Variants in KRT7 observed in about 807,000 individuals in gnomAD.
The protein encoded by KRT7 is keratin 7.
KRT7 carries 50 observed loss-of-function variants against 42.8 expected under a neutral mutation model. That is an observed-to-expected ratio of 1.17 (90% CI 0.93 to 1.48). The LOEUF is 1.48. Ranked by LOEUF, KRT7 falls within the 40% of genes most tolerant of loss-of-function variation. The pLI, the probability that KRT7 is intolerant of heterozygous loss-of-function variation, is 0.00. For synonymous variants in KRT7, 268 were observed against 266.3 expected (o/e 1.01, Z -0.06); for missense variants, 588 against 637.6 (o/e 0.92, Z 0.84).
At chr12:52,251,169 G>A (rs1367861524), downstream of KRT7, among the ~76,000 whole-genome samples, 2 of 151,902 alleles carry the variant, frequency 1.3e-5, no homozygotes, top group Admixed American at 6.6e-5. Flanking sequence ...TAGTAGAGAC[G>A]GGGTTTCACC....
At chr12:52,240,259 A>T (rs565466738) in intron 4 of KRT7, among the ~76,000 whole-genome samples, 1 of 152,396 alleles carries the variant, frequency 6.6e-6, no homozygotes, top group African/African-American at 2.4e-5. Flanking sequence ...GTGTATATAT[A>T]TAAAGTTGTT....
chr12:52,243,433 G>T (rs1053443555), intron 6 of KRT7: 4 of 326,480 alleles, frequency 1.2e-5, no homozygotes, highest in African/African-American at 6.5e-5. Flanking sequence ...GCTTGCACCT[G>T]GTTCTGGCTG....
chr12:52,242,255 GA>G (rs1555182746), intron 5 of KRT7, among the ~76,000 whole-genome samples: 1 of 152,200 alleles, frequency 6.6e-6, no homozygotes, highest in Non-Finnish European at 1.5e-5. Flanking sequence ...TTATAGGCGT[GA>G]GACACCGCAC....
chr12:52,244,499 C>T lies in KRT7; in HGVS notation c.985-913C>T, dbSNP rs550100629. 9.0e-5 allele frequency: 89 copies of T among 985,798 alleles called. No homozygotes were observed. The South Asian group carries it at 2.3e-3, about 26-fold the overall frequency. 61.1% of individuals were successfully genotyped at this position (985,798 alleles called of 1,614,324 possible). On this transcript the variant is annotated intron_variant, in intron 6 of 8. Transcript: ENST00000331817. ...GCACCAGTGTGACAGGGCAGGGCAC[C>T]GAGCTGTGGCCGAGGGGCAGAGTGT... is the stretch of plus-strand genomic sequence containing the variant.
chr12:52,250,778 G>A (rs920580893), downstream of KRT7: 7 of 397,222 alleles, frequency 1.8e-5, no homozygotes, highest in Non-Finnish European at 3.3e-5. Flanking sequence ...AGCCTCAGGC[G>A]TCCTTGATAC....
At chr12:52,250,626 C>CGA (rs1389555955), downstream of KRT7, 8 of 908,556 alleles carry the variant, frequency 8.8e-6, no homozygotes, top group Non-Finnish European at 1.4e-5. Context: ...GACCCCGCCG[C>CGA]GAGAGCTGCT....
Position 52,248,815 on chromosome 12 carries a change from C to G in KRT7, c.*55C>G. 1 of 1,450,502 alleles carries G rather than the reference C, an allele frequency of 6.9e-7. No homozygotes were observed. Among genetic ancestry groups the G allele is most frequent in the Non-Finnish European group, 9.1e-7 (1 of 1,094,506 alleles). The allele number at this position is 1,450,502 out of a possible 1,614,324, so 89.9% of individuals were successfully genotyped here. On this transcript the variant is annotated 3_prime_UTR_variant, in exon 9 of 9. Coordinates refer to ENST00000331817, the MANE Select transcript of KRT7 (RefSeq NM_005556.4). ...CACCACCCACAATCACAAGAAGATT[C>G]CCACCCCTGCCTCCCATGCCTGGTC... is the stretch of plus-strand genomic sequence containing the variant.
downstream of KRT7, among the ~76,000 whole-genome samples, chr12:52,255,014 A>T (rs970407122): frequency 6.6e-6 from 1 of 152,156 alleles, no homozygotes; most frequent in African/African-American, 2.4e-5. Context: ...TTCACTCGCA[A>T]ATATTTACAG....
Position 52,241,577 on chromosome 12 carries a change from C to T in KRT7, c.799C>T (p.Gln267Ter), listed in dbSNP as rs768534989. Residue 267 changes from glutamine to a stop codon, truncating the protein, a stop_gained, in exon 5 of 9, where the codon CAG (glutamine) becomes TAG (stop). Coordinates refer to ENST00000331817, the MANE Select transcript of KRT7 (RefSeq NM_005556.4). LOFTEE classifies it high-confidence loss of function. ...LDGIIAEVKA[Q>*]YEEMAKCSRA... ...CGGCATCATCGCTGAGGTCAAGGCGCAGTATGAGGAGATGGCCAAATGCAG... is the reference window on the plus strand; with the variant it reads ...CGGCATCATCGCTGAGGTCAAGGCGTAGTATGAGGAGATGGCCAAATGCAG... 6.8e-6 allele frequency: 11 copies of T among 1,613,546 alleles called. No individual in the cohort carries two copies. The highest frequency in any genetic ancestry group is 1.6e-4 in the Middle Eastern group (1 of 6,078).
chr12:52,241,306 A>G lies in KRT7; in HGVS notation c.694-166A>G, dbSNP rs568922744. Among the ~76,000 whole-genome samples, 3 of 152,240 alleles carry G rather than the reference A, an allele frequency of 2.0e-5. No homozygotes were observed. In the South Asian group the frequency reaches 6.2e-4, roughly 32 times the overall value. ...CCCTCAGGGAGCCAAGGGTGGGCAG[A>G]ATGAAGTAACTTAATGTGTGCTGGG... On this transcript the variant is annotated intron_variant, in intron 4 of 8. Coordinates refer to ENST00000331817, the MANE Select transcript of KRT7 (RefSeq NM_005556.4).
chr12:52,245,430 G>C lies in KRT7; in HGVS notation c.1003G>C (p.Ala335Pro), dbSNP rs763632449. The C allele has an allele frequency of 1.9e-6, 3 of 1,613,672 alleles. No individual in the cohort carries two copies. Among genetic ancestry groups the C allele is most frequent in the African/African-American group, 2.7e-5 (2 of 74,944 alleles). The change falls in exon 7 of 9, where the codon GCC (alanine) becomes CCC (proline). Residue 335 changes from alanine to proline, a missense_variant. Transcript: ENST00000331817. ...CCCACAGCGTGCCAAGTTGGAGGCC[G>C]CCATTGCCGAGGCTGAGGAGCGTGG... ...IKNQRAKLEA[A>P]IAEAEERGEL... is the part of the protein sequence containing the mutation.
chr12:52,240,522 C>T (rs189306837), intron 4 of KRT7, among the ~76,000 whole-genome samples: 97 of 151,774 alleles, frequency 6.4e-4, no homozygotes, highest in Admixed American at 5.2e-3. Flanking sequence ...CCCAGCTACA[C>T]GGGAGGCTGA....
In KRT7 at chr12:52,233,472, TG is replaced by T; in HGVS notation, c.179del (p.Gly60AlafsTer138). On this transcript the variant is annotated frameshift_variant, in exon 1 of 9. Transcript: ENST00000331817. LOFTEE classifies it high-confidence loss of function. The stretch of plus-strand genomic sequence containing the variant: ...GTGCGCTCTGCCTATGGGGGCCCGG[TG>T]GGCGCCGGCATCCGCGAGGTCACCA... ...VAVRSAYGGP[V>X]GAGIREVTIN... The T allele has an allele frequency of 6.2e-7, 1 of 1,609,332 alleles. No homozygotes were observed. Among genetic ancestry groups the T allele is most frequent in the Non-Finnish European group, 8.5e-7 (1 of 1,178,830 alleles).
intron 2 of KRT7, among the ~76,000 whole-genome samples, chr12:52,237,004 T>C (rs1201189365): frequency 6.6e-6 from 1 of 152,162 alleles, no homozygotes; most frequent in Non-Finnish European, 1.5e-5. Context: ...AGGTAGTGAT[T>C]AGGGCATGGC....
At chr12:52,241,734 C>A in intron 5 of KRT7, 98 bp downstream of exon 5, 1 of 1,113,058 alleles carries the variant, frequency 9.0e-7, no homozygotes, top group Non-Finnish European at 1.3e-6. Context: ...GCCTGGGTCC[C>A]ACTGTTCTGG....
chr12:52,253,400 C>T (rs562765465), downstream of KRT7: 71 of 1,593,886 alleles, frequency 4.5e-5, no homozygotes, highest in Non-Finnish European at 5.5e-5. Flanking sequence ...CAGGACACCA[C>T]GGATGATTGT....
downstream of KRT7, chr12:52,255,217 G>T: frequency 2.7e-6 from 1 of 377,070 alleles, no homozygotes; most frequent in South Asian, 2.0e-5. Flanking sequence ...TTCTAAGGGA[G>T]TCCCTCCACC....
In KRT7 at chr12:52,238,814, C is replaced by T. The variant is rs376119902; in HGVS notation, c.693+39C>T. 9.2e-6 allele frequency: 12 copies of T among 1,298,538 alleles called. No homozygotes were observed. The South Asian group carries it at 1.4e-4, about 15-fold the overall frequency. 80.4% of individuals were successfully genotyped at this position (1,298,538 alleles called of 1,614,324 possible). ...AGCTGGGTGACATGTCTTATCCTAC[C>T]CATTCTAACCAGGGAGCCATCTGGT... On this transcript the variant is annotated intron_variant, in intron 4 of 8. Transcript: ENST00000331817.
chr12:52,233,330 T>G lies in KRT7; in HGVS notation c.34T>G (p.Ser12Ala), dbSNP rs753744088. The G allele has an allele frequency of 6.4e-7, 1 of 1,570,294 alleles. No homozygotes were observed. The highest frequency in any genetic ancestry group is 1.4e-5 in the African/African-American group (1 of 70,184). Residue 12 changes from serine to alanine, a missense_variant, in exon 1 of 9, where the codon TCG becomes GCG. By Grantham distance (99) the Ser-to-Ala change is moderately conservative. Coordinates refer to ENST00000331817, the MANE Select transcript of KRT7 (RefSeq NM_005556.4). ...CCACTTCAGCTCCCCGGTATTCACCTCGCGCTCAGCCGCCTTCTCGGGCCG... is the reference window on the plus strand; with the variant it reads ...CCACTTCAGCTCCCCGGTATTCACCGCGCGCTCAGCCGCCTTCTCGGGCCG... ...SIHFSSPVFT[S>A]RSAAFSGRGA... is the part of the protein sequence containing the mutation.
Sources: gnomAD v4.1 joint callset for allele counts (sites outside exome capture counted in the v4.1 genomes callset) on GRCh38, gnomAD v4.1.1 for gene constraint, MANE v1.5 for transcripts, NCBI Gene and HGNC (gene_info 2026-07-23, HGNC 2026-07-21) for gene names.